AATK: variants seen among roughly 807,000 people sequenced by gnomAD.
The protein encoded by AATK is lemur tail kinase 1.
AATK carries 91 observed loss-of-function variants against 114.3 expected under a neutral mutation model. The observed-to-expected ratio is 0.80, with a 90% CI of 0.67 to 0.95. The LOEUF (loss-of-function observed/expected upper bound fraction) is 0.95, where lower values mean the gene tolerates loss of function less well. Ranked by LOEUF, AATK falls within the 40% of genes least tolerant of loss-of-function variation. AATK has a pLI of 0.00. For missense variants in AATK, 2,176 were observed against 1,965.2 expected (o/e 1.11, Z -2.03); for synonymous variants, 1,075 against 916.5 (o/e 1.17, Z -3.12).
At chr17:81,146,842 T>C (rs549188294) in intron 1 of AATK, among the ~76,000 whole-genome samples, 2 of 151,424 alleles carry the variant, frequency 1.3e-5, no homozygotes, top group East Asian at 3.9e-4. Context: ...TAGAAGCCAG[T>C]AAATCAGAAC....
intron 1 of AATK, among the ~76,000 whole-genome samples, chr17:81,150,127 C>T (rs2061276112): frequency 6.6e-6 from 1 of 151,776 alleles, no homozygotes. Context: ...GGAGGGACCA[C>T]TGATGGGTGC....
rs553148133 is a variant in AATK at position 81,122,712 on chromosome 17, C to T, written c.1224G>A (p.Glu408=). The change falls in exon 11 of 14, where the codon GAG becomes GAA. Residue 408 remains glutamate, a synonymous_variant. Coordinates refer to ENST00000326724, the MANE Select transcript of AATK (RefSeq NM_001080395.3). The part of the protein sequence containing the change: ...LCAKGATEAE[E]EFERRWRSLR... The stretch of plus-strand genomic sequence containing the variant: ...GAGAGCGCCAGCGCCGTTCAAACTC[C>T]TCCTCTGCTTCGGTGGCGCCCTTGG... 6 of 1,583,454 alleles carry T rather than the reference C, an allele frequency of 3.8e-6. No homozygotes were observed. In the South Asian group the frequency reaches 6.9e-5, roughly 18 times the overall value.
At chr17:81,157,674 C>G (rs752131190) in intron 1 of AATK, among the ~76,000 whole-genome samples, 1 of 152,226 alleles carries the variant, frequency 6.6e-6, no homozygotes, top group African/African-American at 2.4e-5. Context: ...CCAGGCCCAG[C>G]CTGCATCAGC....
At chr17:81,128,334 G>T in intron 4 of AATK, 136 bp downstream of exon 4, 2 of 1,124,068 alleles carry the variant, frequency 1.8e-6, no homozygotes, top group South Asian at 1.4e-5. Context: ...ACCTCCCTGG[G>T]GAAGGGTCCA....
chr17:81,120,012 C>A lies in AATK; in HGVS notation c.3807G>T (p.Gly1269=). ...TGGGGGCGCTGGGAGAGCCGGGGCT[C>A]CCCCTAAGGAACGTAGGGGGCGATT... ...AKESPPTFLR[G]SPGSPSAPNR... Residue 1269 remains glycine (G), a synonymous_variant, in exon 12 of 14, where the codon GGG becomes GGT. Coordinates refer to ENST00000326724, the MANE Select transcript of AATK (RefSeq NM_001080395.3). 6.9e-7 allele frequency: 1 copy of A among 1,447,922 alleles called. No homozygotes were observed. The highest frequency in any genetic ancestry group is 1.8e-4 in the Middle Eastern group (1 of 5,442). 89.7% of individuals were successfully genotyped at this position (1,447,922 alleles called of 1,614,324 possible). A position where few individuals can be genotyped will look rare whatever the true frequency, so the allele number is the denominator to read the frequency against.
chr17:81,119,019 G>A (rs1440957870), intron 13 of AATK, among the ~76,000 whole-genome samples: 6 of 152,166 alleles, frequency 3.9e-5, no homozygotes, highest in Admixed American at 3.3e-4. Flanking sequence ...TGGGGCCGGG[G>A]CACCGTGGGA....
chr17:81,125,899 T>A (rs1489376916), intron 7 of AATK: 1 of 470,678 alleles, frequency 2.1e-6, no homozygotes. Flanking sequence ...ACAAAATCAC[T>A]GATGCTGGAG....
At chr17:81,124,653 G>A (rs920362908) in intron 9 of AATK, 74 bp downstream of exon 9, 2 of 1,581,844 alleles carry the variant, frequency 1.3e-6, no homozygotes, top group Non-Finnish European at 1.7e-6. Flanking sequence ...CACTACTCAT[G>A]GCCATGATTT....
chr17:81,127,805 C>T lies in AATK; in HGVS notation c.520G>A (p.Val174Met). ...VQEQMQFLEE[V>M]QPYRALKHSN... ...GTGGCCTCCCACCTGTAGGGCTGCA[C>T]CTCCTCCAGGAACTGCATCTGCTCC... The change falls in exon 5 of 14, where the codon GTG becomes ATG. Residue 174 changes from valine to methionine, a missense_variant. This residue lies in a region of AATK where 273 missense variants were observed against 344.1 expected (regional missense o/e 0.79). Coordinates refer to ENST00000326724, the MANE Select transcript of AATK (RefSeq NM_001080395.3). The T allele has an allele frequency of 6.6e-7, 1 of 1,512,588 alleles. No individual in the cohort carries two copies. Among genetic ancestry groups the T allele is most frequent in the East Asian group, 2.5e-5 (1 of 40,756 alleles). 93.7% of individuals were successfully genotyped at this position (1,512,588 alleles called of 1,614,324 possible).
chr17:81,121,491 A>C lies in AATK; in HGVS notation c.2445T>G (p.Ser815Arg), dbSNP rs56032966. Reference protein sequence around the residue: ...EGAPLPSEEASAPDAPDALPD... With the variant: ...EGAPLPSEEARAPDAPDALPD... ...GCAGGGCATCAGGGGCGTCGGGGGC[A>C]CTGGCCTCCTCCGAGGGAAGTGGGG... The change falls in exon 11 of 14, where the codon AGT (serine) becomes AGG (arginine). Residue 815 changes from serine to arginine, a missense_variant. By Grantham distance (110) the Ser-to-Arg change is moderately radical. Around this residue, in one of 4 missense-constraint regions of AATK, gnomAD observed 1,701 missense variants for 1,394.7 expected, o/e 1.22. Transcript: ENST00000326724. 13 of 1,564,490 alleles carry C rather than the reference A, an allele frequency of 8.3e-6. No homozygotes were observed. Among genetic ancestry groups the C allele is most frequent in the Non-Finnish European group, 1.0e-5 (12 of 1,153,388 alleles).
intron 1 of AATK, among the ~76,000 whole-genome samples, chr17:81,140,670 G>GAGCCC: frequency 7.4e-6 from 1 of 134,998 alleles, no homozygotes; most frequent in Non-Finnish European, 1.7e-5. Flanking sequence ...GTGGGGCCGT[G>GAGCCC]GGGACCATGG....
chr17:81,163,770 C>T (rs1416458866), intron 1 of AATK, among the ~76,000 whole-genome samples: 5 of 152,242 alleles, frequency 3.3e-5, no homozygotes, highest in Admixed American at 2.0e-4. Flanking sequence ...GCGTCTCTGC[C>T]CCCTGTACCA....
At chr17:81,165,353 G>C (rs2061473582) in intron 1 of AATK, among the ~76,000 whole-genome samples, 1 of 152,182 alleles carries the variant, frequency 6.6e-6, no homozygotes, top group African/African-American at 2.4e-5. Flanking sequence ...CAGCCAGCTT[G>C]ACAGCGTCAC....
chr17:81,125,442 C>A, intron 7 of AATK: 1 of 407,482 alleles, frequency 2.5e-6, no homozygotes, highest in Non-Finnish European at 5.1e-6. Flanking sequence ...CCCAGGGGTC[C>A]TGCCGGCTGC....
At chr17:81,152,185 G>A (rs1342193008) in intron 1 of AATK, among the ~76,000 whole-genome samples, 2 of 152,224 alleles carry the variant, frequency 1.3e-5, no homozygotes, top group Non-Finnish European at 2.9e-5. Context: ...GACTGAGGCA[G>A]AAGAATCGTT....
At position 81,122,654 on chromosome 17, in the gene AATK, G is replaced by A. The variant is rs766558218; in HGVS notation, c.1282C>T (p.Pro428Ser). 1 of 1,491,382 alleles carries A rather than the reference G, an allele frequency of 6.7e-7. No individual in the cohort carries two copies. Among genetic ancestry groups the A allele is most frequent in the East Asian group, 2.8e-5 (1 of 35,678 alleles). 92.4% of individuals were successfully genotyped at this position (1,491,382 alleles called of 1,614,324 possible). A position where few individuals can be genotyped will look rare whatever the true frequency, so the allele number is the denominator to read the frequency against. The part of the protein sequence containing the change: ...RPGGGGVGPG[P>S]GAAGPMLGGV... ...CCCAGCATGGGCCCCGCCGCACCGG[G>A]CCCGGGCCCCACGCCGCCCCCGCCG... is the stretch of plus-strand genomic sequence containing the variant. The change falls in exon 11 of 14, where the codon CCC (proline) becomes TCC (serine). Residue 428 changes from proline to serine, a missense_variant. Physicochemically the swap from Pro to Ser is moderately conservative, Grantham distance 74. This residue lies in a region of AATK where 1,701 missense variants were observed against 1,394.7 expected (regional missense o/e 1.22). Transcript: ENST00000326724.
intron 9 of AATK, among the ~76,000 whole-genome samples, chr17:81,124,447 G>T (rs895028549): frequency 6.6e-6 from 1 of 152,100 alleles, no homozygotes; most frequent in Non-Finnish European, 1.5e-5. Context: ...ACTCACCAAG[G>T]CCCCCGTCTC....
chr17:81,161,766 T>C (rs374270644), intron 1 of AATK, among the ~76,000 whole-genome samples: 7 of 152,026 alleles, frequency 4.6e-5, no homozygotes, highest in East Asian at 1.9e-4. Context: ...GCCAGAACTC[T>C]CCCGTGAGGC....
chr17:81,124,905 G>GGGGCCCC, intron 8 of AATK, 25 bp downstream of exon 8: 2 of 1,503,204 alleles, frequency 1.3e-6, no homozygotes, highest in Non-Finnish European at 1.8e-6. Flanking sequence ...CTCATGCCCA[G>GGGGCCCC]CCCAGCCCAC....
Sources: gnomAD v4.1 joint callset for allele counts (sites outside exome capture counted in the v4.1 genomes callset) on GRCh38, gnomAD v4.1.1 for gene constraint, gnomAD v4.1.1 regional missense constraint, MANE v1.5 for transcripts, NCBI Gene and HGNC (gene_info 2026-07-23, HGNC 2026-07-21) for gene names.